GRIN3A: variants seen among roughly 807,000 people sequenced by gnomAD.
The protein encoded by GRIN3A is glutamate ionotropic receptor NMDA type subunit 3A.
A neutral mutation model predicts 92.4 loss-of-function variants in GRIN3A; 47 were observed. The ratio of observed to expected loss-of-function variants is 0.51; its 90% CI spans 0.40 to 0.65. GRIN3A has a LOEUF of 0.65. GRIN3A is among the 30% of genes least tolerant of loss of function. GRIN3A has a pLI of 0.00. For missense variants in GRIN3A, 1,324 were observed against 1,393.1 expected, an observed-to-expected ratio of 0.95 and a Z score of 0.79; for synonymous variants, 527 against 540.6, an observed-to-expected ratio of 0.97 and a Z score of 0.35.
At chr9:101,584,493 A>G (rs1157578777) in intron 6 of GRIN3A, among the ~76,000 whole-genome samples, 1 of 152,240 alleles carries the variant, frequency 6.6e-6, no homozygotes, top group African/African-American at 2.4e-5. Context: ...GTTATGCAGA[A>G]ATTCTTGGTA....
chr9:101,582,205 G>A (rs1196453733), intron 6 of GRIN3A, among the ~76,000 whole-genome samples: 7 of 152,162 alleles, frequency 4.6e-5, no homozygotes, highest in Admixed American at 1.3e-4. Context: ...TCAGGCATAG[G>A]GTGCATAGGG....
intron 1 of GRIN3A, among the ~76,000 whole-genome samples, chr9:101,714,868 GT>G (rs1829924768): frequency 1.3e-5 from 2 of 152,162 alleles, no homozygotes; most frequent in South Asian, 2.1e-4. Flanking sequence ...AACTAAAAAG[GT>G]GATCTTCAAA....
chr9:101,735,856 A>G (rs969720714), intron 1 of GRIN3A, among the ~76,000 whole-genome samples: 1 of 147,892 alleles, frequency 6.8e-6, no homozygotes, highest in African/African-American at 2.4e-5. Flanking sequence ...AATATTTTAT[A>G]TAAAAGTTAA....
chr9:101,738,087 A>G lies in GRIN3A; in HGVS notation c.-108T>C, dbSNP rs1381452219. The stretch of plus-strand genomic sequence containing the variant: ...CAGGTCCCGCGCGCAGCTTCACTCC[A>G]CTCGGTGAAGCGGTCCCAGGAGCTG... On this transcript the variant is annotated 5_prime_UTR_variant, in exon 1 of 9. Transcript: ENST00000361820. 1 of 939,194 alleles carries G rather than the reference A, an allele frequency of 1.1e-6. No individual in the cohort carries two copies. The highest frequency in any genetic ancestry group is 1.6e-5 in the African/African-American group (1 of 61,838). The allele number at this position is 939,194 out of a possible 1,614,324, so 58.2% of individuals were successfully genotyped here. A position where few individuals can be genotyped will look rare whatever the true frequency, so the allele number is the denominator to read the frequency against.
chr9:101,704,214 A>G lies in GRIN3A; in HGVS notation c.700-17014T>C, dbSNP rs2119004722. Among the ~76,000 whole-genome samples the G allele has an allele frequency of 2.0e-5, 3 of 152,314 alleles. No individual in the cohort carries two copies. The South Asian group carries it at 6.2e-4, about 32-fold the overall frequency. ...GCAAAATTGGATATCCTGTAGATCA[A>G]ATCATGTTTCCTAAAATAGTCTTAC... On this transcript the variant is annotated intron_variant, in intron 1 of 8. Coordinates refer to ENST00000361820, the MANE Select transcript of GRIN3A (RefSeq NM_133445.3).
At chr9:101,708,042 T>G (rs1327528681) in intron 1 of GRIN3A, among the ~76,000 whole-genome samples, 1 of 152,072 alleles carries the variant, frequency 6.6e-6, no homozygotes, top group African/African-American at 2.4e-5. Context: ...TAAGGGCCAG[T>G]CTATGGAAGC....
intron 6 of GRIN3A, among the ~76,000 whole-genome samples, chr9:101,579,727 T>C (rs943621320): frequency 4.6e-5 from 7 of 152,200 alleles, no homozygotes; most frequent in African/African-American, 1.4e-4. Flanking sequence ...CCCTTCCTTA[T>C]TAACCTTTAG....
At chr9:101,717,997 G>A (rs533302304) in intron 1 of GRIN3A, among the ~76,000 whole-genome samples, 22 of 152,226 alleles carry the variant, frequency 1.4e-4, no homozygotes, top group South Asian at 4.1e-4. Context: ...TCTGTCCACC[G>A]CAGTGAATGA....
intron 5 of GRIN3A, among the ~76,000 whole-genome samples, chr9:101,620,051 C>G (rs1002870873): frequency 6.6e-6 from 1 of 152,188 alleles, no homozygotes; most frequent in Non-Finnish European, 1.5e-5. Flanking sequence ...TTATTTTTCC[C>G]TTTTAAGTCA....
chr9:101,707,982 C>A (rs947888332), intron 1 of GRIN3A, among the ~76,000 whole-genome samples: 1 of 151,874 alleles, frequency 6.6e-6, no homozygotes, highest in Non-Finnish European at 1.5e-5. Flanking sequence ...TGCTGATTAT[C>A]AAGTGGGGAA....
At chr9:101,588,250 T>C (rs1208344923) in intron 6 of GRIN3A, among the ~76,000 whole-genome samples, 1 of 152,186 alleles carries the variant, frequency 6.6e-6, no homozygotes, top group African/African-American at 2.4e-5. Flanking sequence ...CAAGACATAG[T>C]GAAAGATCAC....
At chr9:101,671,214 T>A in intron 2 of GRIN3A, 107 bp from the exon 3 acceptor site, 1 of 824,942 alleles carries the variant, frequency 1.2e-6, no homozygotes, top group Non-Finnish European at 2.1e-6. Flanking sequence ...ATTCGAATTT[T>A]TATTTAAAAA....
At chr9:101,683,211 A>C (rs2485531) in intron 2 of GRIN3A, among the ~76,000 whole-genome samples, 119,158 of 152,070 alleles carry the variant, frequency 0.78, 47,080 homozygotes, top group Middle Eastern at 0.84. Context: ...TGAAAATGCC[A>C]TGTTTTTGGT....
intron 6 of GRIN3A, among the ~76,000 whole-genome samples, chr9:101,606,217 A>T (rs1443258432): frequency 6.6e-6 from 1 of 152,198 alleles, no homozygotes; most frequent in East Asian, 1.9e-4. Flanking sequence ...TTCATCTGCC[A>T]TGAGGGACAG....
At chr9:101,714,904 T>C (rs563321536) in intron 1 of GRIN3A, among the ~76,000 whole-genome samples, 23 of 152,284 alleles carry the variant, frequency 1.5e-4, no homozygotes, top group Non-Finnish European at 2.9e-4. Context: ...TATCATGGGC[T>C]TCTCAGTTCT....
At chr9:101,654,147 A>G (rs1024850975) in intron 3 of GRIN3A, among the ~76,000 whole-genome samples, 1 of 151,530 alleles carries the variant, frequency 6.6e-6, no homozygotes, top group Non-Finnish European at 1.5e-5. Context: ...TGTCATCTTA[A>G]TTAGTTACCT....
At chr9:101,723,005 C>T (rs939974127) in intron 1 of GRIN3A, among the ~76,000 whole-genome samples, 2 of 152,082 alleles carry the variant, frequency 1.3e-5, no homozygotes, top group Non-Finnish European at 2.9e-5. Flanking sequence ...TGGCTGTGTC[C>T]CCACCCAAAT....
intron 1 of GRIN3A, 81 bp downstream of exon 1, chr9:101,737,200 A>G: frequency 8.6e-7 from 1 of 1,159,014 alleles, no homozygotes; most frequent in Non-Finnish European, 1.3e-6. Flanking sequence ...AGACTTTACC[A>G]AGCCGTTTTC....
At chr9:101,585,426 G>A (rs1239577662) in intron 6 of GRIN3A, among the ~76,000 whole-genome samples, 1 of 152,066 alleles carries the variant, frequency 6.6e-6, no homozygotes, top group Non-Finnish European at 1.5e-5. Flanking sequence ...GGGCTTTTCT[G>A]TCCTAACTTC....
Sources: allele counts gnomAD v4.1 joint callset (sites outside exome capture counted in the v4.1 genomes callset), GRCh38; gene constraint gnomAD v4.1.1; transcripts MANE v1.5; gene names NCBI Gene and HGNC (gene_info 2026-07-23, HGNC 2026-07-21).